VOPP1: variants seen among roughly 807,000 people sequenced by gnomAD.
VOPP1 encodes WW domain binding protein VOPP1.
Under a neutral mutation model 23.5 loss-of-function variants are expected in VOPP1, and 8 were observed. The ratio of observed to expected loss-of-function variants is 0.34; its 90% CI spans 0.20 to 0.61. VOPP1 has a LOEUF of 0.61. Among genes scored for constraint, VOPP1 ranks in the 20% least tolerant of loss-of-function variants. The pLI is 0.78. For synonymous variants in VOPP1, 83 were observed against 97.3 expected, an observed-to-expected ratio of 0.85 and a Z score of 0.86; for missense variants, 174 against 238.1, an observed-to-expected ratio of 0.73 and a Z score of 1.77.
At chr7:55,513,846 A>G (rs573576493) in intron 2 of VOPP1, among the ~76,000 whole-genome samples, 1 of 152,336 alleles carries the variant, frequency 6.6e-6, no homozygotes, top group African/African-American at 2.4e-5. Context: ...AACCATTTCT[A>G]ACCCACCCTC....
chr7:55,559,283 T>C (rs1797907162), intron 1 of VOPP1, among the ~76,000 whole-genome samples: 1 of 152,206 alleles, frequency 6.6e-6, no homozygotes, highest in South Asian at 2.1e-4. Context: ...AATACATCAC[T>C]AGGTCATGCT....
At chr7:55,536,787 G>A (rs1350701727) in intron 1 of VOPP1, among the ~76,000 whole-genome samples, 1 of 152,174 alleles carries the variant, frequency 6.6e-6, no homozygotes, top group Non-Finnish European at 1.5e-5. Context: ...GCTGATCCTG[G>A]CTCAGGCAGC....
intron 4 of VOPP1, among the ~76,000 whole-genome samples, chr7:55,475,447 G>A (rs1040472262): frequency 1.4e-4 from 22 of 152,210 alleles, no homozygotes; most frequent in African/African-American, 5.3e-4. Context: ...TGCTGACAGG[G>A]ATGTGGGAAA....
chr7:55,550,831 A>G (rs2129053610), intron 1 of VOPP1, among the ~76,000 whole-genome samples: 1 of 152,300 alleles, frequency 6.6e-6, no homozygotes, highest in Middle Eastern at 3.4e-3. Flanking sequence ...TCGTGTCTGT[A>G]TATTTTTCTA....
intron 4 of VOPP1, among the ~76,000 whole-genome samples, chr7:55,453,928 TTTA>T (rs1791304033): frequency 6.6e-6 from 1 of 152,218 alleles, no homozygotes; most frequent in Non-Finnish European, 1.5e-5. Context: ...TTTTGGTTAT[TTTA>T]TTATTCATTT....
At chr7:55,538,038 G>C (rs1796905423) in intron 1 of VOPP1, among the ~76,000 whole-genome samples, 1 of 152,206 alleles carries the variant, frequency 6.6e-6, no homozygotes, top group South Asian at 2.1e-4. Context: ...ACTGCCTCCA[G>C]CCTGGCCCGA....
intron 1 of VOPP1, among the ~76,000 whole-genome samples, chr7:55,526,037 G>A (rs1796173457): frequency 6.6e-6 from 1 of 152,184 alleles, no homozygotes; most frequent in Admixed American, 6.5e-5. Context: ...CTGGGCTCTG[G>A]GAAAACAGCA....
intron 4 of VOPP1, among the ~76,000 whole-genome samples, chr7:55,440,862 G>A (rs571197748): frequency 7.9e-5 from 12 of 152,262 alleles, no homozygotes; most frequent in East Asian, 3.9e-4. Flanking sequence ...AGTATACGCC[G>A]CTGGCACAGT....
At chr7:55,495,684 C>G (rs991362905) in intron 3 of VOPP1, among the ~76,000 whole-genome samples, 1 of 152,208 alleles carries the variant, frequency 6.6e-6, no homozygotes, top group Non-Finnish European at 1.5e-5. Flanking sequence ...AAAGCCTCTC[C>G]ATAAAACCCC....
intron 4 of VOPP1, among the ~76,000 whole-genome samples, chr7:55,445,114 A>G (rs988288818): frequency 2.0e-5 from 3 of 152,196 alleles, no homozygotes; most frequent in Non-Finnish European, 4.4e-5. Context: ...TGTATCTTGC[A>G]TAACAGAACA....
intron 1 of VOPP1, among the ~76,000 whole-genome samples, chr7:55,533,904 T>C (rs1409471541): frequency 3.3e-5 from 5 of 152,122 alleles, no homozygotes; most frequent in Non-Finnish European, 7.4e-5. Flanking sequence ...GGGAGGTAGA[T>C]GAGTGAAAAC....
At chr7:55,439,872 C>G (rs919669184) in intron 4 of VOPP1, among the ~76,000 whole-genome samples, 1 of 152,242 alleles carries the variant, frequency 6.6e-6, no homozygotes, top group African/African-American at 2.4e-5. Flanking sequence ...CAGCTGCATC[C>G]TGCCAGAGAG....
At chr7:55,539,785 A>G (rs557225694) in intron 1 of VOPP1, among the ~76,000 whole-genome samples, 3 of 152,244 alleles carry the variant, frequency 2.0e-5, no homozygotes, top group African/African-American at 7.2e-5. Flanking sequence ...TGGTTGCTGA[A>G]CCAACTATAT....
chr7:55,496,185 C>A (rs530420679), intron 3 of VOPP1, among the ~76,000 whole-genome samples: 1 of 152,318 alleles, frequency 6.6e-6, no homozygotes, highest in East Asian at 1.9e-4. Flanking sequence ...CATTCTCACG[C>A]CCTCATCATC....
At chr7:55,487,287 G>A (rs1354983311) in intron 4 of VOPP1, among the ~76,000 whole-genome samples, 1 of 152,162 alleles carries the variant, frequency 6.6e-6, no homozygotes, top group Non-Finnish European at 1.5e-5. Flanking sequence ...AATGGCTGCT[G>A]GAAAGGAAGA....
chr7:55,484,218 T>C (rs1792958528), intron 4 of VOPP1, among the ~76,000 whole-genome samples: 1 of 152,216 alleles, frequency 6.6e-6, no homozygotes, highest in African/African-American at 2.4e-5. Context: ...TTTATTACTA[T>C]CTTTGAAAGT....
At chr7:55,456,714 C>A (rs1791375489) in intron 4 of VOPP1, among the ~76,000 whole-genome samples, 1 of 152,140 alleles carries the variant, frequency 6.6e-6, no homozygotes, top group Non-Finnish European at 1.5e-5. Flanking sequence ...AAACCGAACA[C>A]CGCATGTTCT....
rs148987703 is a variant in VOPP1 at position 55,482,232 on chromosome 7, T to A, written c.329-9187A>T. Among the ~76,000 whole-genome samples, 45 of 152,144 alleles carry A rather than the reference T, an allele frequency of 3.0e-4. No homozygotes were observed. In the East Asian group the frequency reaches 8.7e-3, roughly 29 times the overall value. On this transcript the variant is annotated intron_variant, in intron 4 of 4. Transcript: ENST00000285279. ...GAAGGGAATTGGACTGCAGACTGTA[T>A]ATTTCTTCTTCCACTGTATAACGCT... is the stretch of plus-strand genomic sequence containing the variant.
chr7:55,525,414 G>C (rs1219309245), intron 1 of VOPP1, among the ~76,000 whole-genome samples: 1 of 151,730 alleles, frequency 6.6e-6, no homozygotes. Flanking sequence ...GCGTGAACTC[G>C]GGAGGCGGAG....
Sources: allele counts gnomAD v4.1 joint callset (sites outside exome capture counted in the v4.1 genomes callset), GRCh38; gene constraint gnomAD v4.1.1; transcripts MANE v1.5; gene names NCBI Gene and HGNC (gene_info 2026-07-23, HGNC 2026-07-21).